The following CEPT1 variants were observed in gnomAD, a reference collection of about 807,000 sequenced individuals.
CEPT1 encodes choline/ethanolaminephosphotransferase 1.
A neutral mutation model predicts 42.6 loss-of-function variants in CEPT1; 7 were observed. The ratio of observed to expected loss-of-function variants is 0.16; its 90% CI spans 0.09 to 0.31. The LOEUF (loss-of-function observed/expected upper bound fraction) is 0.31, where lower values mean the gene tolerates loss of function less well. Ranked by LOEUF, CEPT1 falls within the 10% of genes least tolerant of loss-of-function variation. The pLI is 1.00. For missense variants in CEPT1, 306 were observed against 502.1 expected, an observed-to-expected ratio of 0.61 and a Z score of 3.73; for synonymous variants, 171 against 171.9, an observed-to-expected ratio of 0.99 and a Z score of 0.04.
chr1:111,167,953 C>A, intron 4 of CEPT1: 1 of 305,624 alleles, frequency 3.3e-6, no homozygotes, highest in Non-Finnish European at 4.8e-6. Context: ...AATGCAGTGG[C>A]ACAGTCATAG....
At chr1:111,156,084 G>A (rs922151119) in intron 2 of CEPT1, among the ~76,000 whole-genome samples, 2 of 151,918 alleles carry the variant, frequency 1.3e-5, no homozygotes, top group Non-Finnish European at 2.9e-5. Flanking sequence ...GTATCTTGTA[G>A]GTTTTGGTAT....
chr1:111,141,853 G>A (rs1349805655), intron 1 of CEPT1, among the ~76,000 whole-genome samples: 1 of 149,770 alleles, frequency 6.7e-6, no homozygotes, highest in East Asian at 1.9e-4. Context: ...TTTATAATTT[G>A]CCCTTCCTTT....
chr1:111,177,181 G>A (rs1017650608), intron 5 of CEPT1, among the ~76,000 whole-genome samples: 1 of 152,210 alleles, frequency 6.6e-6, no homozygotes, highest in South Asian at 2.1e-4. Flanking sequence ...GGGAGAACCT[G>A]TTGTTGGAAT....
At chr1:111,157,279 C>T (rs1197261783) in intron 2 of CEPT1, among the ~76,000 whole-genome samples, 1 of 152,040 alleles carries the variant, frequency 6.6e-6, no homozygotes, top group African/African-American at 2.4e-5. Context: ...CATTTTGCCC[C>T]ATTAAAATCT....
At chr1:111,141,744 A>G (rs577266406) in intron 1 of CEPT1, among the ~76,000 whole-genome samples, 18 of 152,182 alleles carry the variant, frequency 1.2e-4, no homozygotes, top group Non-Finnish European at 2.2e-4. Flanking sequence ...TTGTTTTTGT[A>G]AACTTGCTCT....
chr1:111,180,323 G>A (rs1054985131), intron 5 of CEPT1: 4 of 152,104 alleles, frequency 2.6e-5, no homozygotes, highest in Non-Finnish European at 5.9e-5. Context: ...AGAGAGGTTG[G>A]GAACCAGGAA....
At chr1:111,149,271 T>G (rs2101246508) in intron 2 of CEPT1, among the ~76,000 whole-genome samples, 1 of 150,528 alleles carries the variant, frequency 6.6e-6, no homozygotes, top group Non-Finnish European at 1.5e-5. Flanking sequence ...CTCCTCTTTT[T>G]TTTTTTTTTG....
intron 8 of CEPT1, among the ~76,000 whole-genome samples, 159 bp from the exon 9 acceptor site, chr1:111,184,032 A>G (rs1657126681): frequency 6.6e-6 from 1 of 152,216 alleles, no homozygotes; most frequent in Non-Finnish European, 1.5e-5. Flanking sequence ...CTGTCTCTCT[A>G]ACAAAGAGTT....
intron 4 of CEPT1, among the ~76,000 whole-genome samples, chr1:111,171,366 T>A (rs17027007): frequency 1.8e-4 from 28 of 152,324 alleles, no homozygotes; most frequent in African/African-American, 6.7e-4. Flanking sequence ...AGATAGTCAC[T>A]CCAACTAAAG....
At chr1:111,149,992 G>T (rs1191370548) in intron 2 of CEPT1, among the ~76,000 whole-genome samples, 1 of 152,220 alleles carries the variant, frequency 6.6e-6, no homozygotes, top group African/African-American at 2.4e-5. Flanking sequence ...TCTTTAGGGA[G>T]ACTTCCAGAA....
intron 5 of CEPT1, chr1:111,179,721 T>C (rs939162299): frequency 5.3e-5 from 8 of 152,316 alleles, no homozygotes; most frequent in African/African-American, 1.9e-4. Context: ...TCATTGCTAA[T>C]GTGGGGGCTA....
chr1:111,182,604 C>G, intron 6 of CEPT1, 195 bp from the exon 7 acceptor site: 1 of 587,726 alleles, frequency 1.7e-6, no homozygotes, highest in Non-Finnish European at 2.9e-6. Context: ...AAGTGAAATC[C>G]TCAGTTTGTG....
intron 4 of CEPT1, chr1:111,167,180 G>A (rs1043723771): frequency 4.0e-5 from 39 of 984,954 alleles, no homozygotes; most frequent in Non-Finnish European, 4.5e-5. Flanking sequence ...CCTTGGTTCT[G>A]GAACTTCACG....
At chr1:111,144,949 C>T (rs543867793) in intron 1 of CEPT1, among the ~76,000 whole-genome samples, 2 of 152,138 alleles carry the variant, frequency 1.3e-5, no homozygotes, top group African/African-American at 4.8e-5. Context: ...CTTTGTGATA[C>T]AGTTGTGTGA....
rs753380769 is a variant in CEPT1, at chr1:111,159,449, G to A, written c.409G>A (p.Gly137Arg). ...TTACCAGTCTTTGGATGCTATTGAT[G>A]GGAAACAGGCAAGAAGAACCAATAG... ...FIYQSLDAID[G>R]KQARRTNSSS... The change falls in exon 3 of 9, where the codon GGG becomes AGG. Residue 137 changes from glycine to arginine, a missense_variant. Physicochemically the swap from Gly to Arg is moderately radical, Grantham distance 125 (BLOSUM62 -2). Transcript: ENST00000357172. The A allele has an allele frequency of 6.2e-7, 1 of 1,613,594 alleles. No individual in the cohort carries two copies. The highest frequency in any genetic ancestry group is 8.5e-7 in the Non-Finnish European group (1 of 1,179,770).
chr1:111,151,124 GTTT>G (rs1328530782), intron 2 of CEPT1, among the ~76,000 whole-genome samples: 2 of 140,638 alleles, frequency 1.4e-5, no homozygotes, highest in Non-Finnish European at 3.1e-5. Context: ...GTTTTTTTTT[GTTT>G]GTTTTTTTTT....
At chr1:111,139,547 T>C (rs1484034534), upstream of CEPT1, 3 of 152,234 alleles carry the variant, frequency 2.0e-5, no homozygotes, top group Non-Finnish European at 4.4e-5. Context: ...TTAGCTTTTG[T>C]GGGAAAGGGT....
Position 111,184,388 on chromosome 1 carries a change from A to G in CEPT1, c.*78A>G. 1 of 1,115,084 alleles carries G rather than the reference A, an allele frequency of 9.0e-7. No individual in the cohort carries two copies. The highest frequency in any genetic ancestry group is 1.3e-6 in the Non-Finnish European group (1 of 771,462). The allele number at this position is 1,115,084 out of a possible 1,614,324, so 69.1% of individuals were successfully genotyped here. ...ATATTAAGGAGAATGGGGGTGGATA[A>G]GAACAAATATAATTTATAATAATCA... On this transcript the variant is annotated 3_prime_UTR_variant, in exon 9 of 9. Coordinates refer to ENST00000357172, the MANE Select transcript of CEPT1 (RefSeq NM_006090.5).
Position 111,184,217 on chromosome 1 carries a change from C to G in CEPT1, c.1158C>G (p.Arg386=), listed in dbSNP as rs1273316744. The G allele has an allele frequency of 1.2e-6, 2 of 1,613,644 alleles. No homozygotes were observed. The highest frequency in any genetic ancestry group is 2.2e-5 in the South Asian group (2 of 91,066). Residue 386 remains arginine, a synonymous_variant, in exon 9 of 9, where the codon CGC becomes CGG. Coordinates refer to ENST00000357172, the MANE Select transcript of CEPT1 (RefSeq NM_006090.5). ...TTTTCTCTTTCTTTGATTTGATCCG[C>G]TACTGTGTCAGTGTTTGCAATCAGA... ...ALVFSFFDLI[R]YCVSVCNQIA... is the part of the protein sequence containing the mutation.
Sources: gnomAD v4.1 joint callset for allele counts (sites outside exome capture counted in the v4.1 genomes callset) on GRCh38, gnomAD v4.1.1 for gene constraint, MANE v1.5 for transcripts, NCBI Gene and HGNC (gene_info 2026-07-23, HGNC 2026-07-21) for gene names.